Variants in RIPK2 observed in about 807,000 individuals in gnomAD.
The protein encoded by RIPK2 is receptor-interacting serine/threonine-protein kinase 2.
RIPK2 carries 38 observed loss-of-function variants against 60.9 expected under a neutral mutation model. The observed-to-expected ratio is 0.62, with a 90% confidence interval of 0.48 to 0.82. The LOEUF (loss-of-function observed/expected upper bound fraction) is 0.82, where lower values mean the gene tolerates loss of function less well. Among genes scored for constraint, RIPK2 ranks in the 40% least tolerant of loss-of-function variants. RIPK2 has a pLI of 0.00. For missense variants in RIPK2, 518 were observed against 647.0 expected (o/e 0.80, Z 2.16); for synonymous variants, 225 against 223.4 (o/e 1.01, Z -0.06).
At chr8:89,769,624 G>T (rs946422795) in intron 3 of RIPK2, 148 bp from the exon 4 acceptor site, 44 of 501,146 alleles carry the variant, frequency 8.8e-5, no homozygotes, top group African/African-American at 7.9e-4. Flanking sequence ...TTTGTAAGAA[G>T]TTGGGGGAAT....
chr8:89,778,980 TTTAA>T (rs1258397979), intron 6 of RIPK2, among the ~76,000 whole-genome samples: 18 of 152,206 alleles, frequency 1.2e-4, no homozygotes, highest in Non-Finnish European at 2.4e-4. Context: ...TTATTTTCCT[TTTAA>T]TTATATTTTA....
At chr8:89,774,277 T>TA (rs1809361639) in intron 6 of RIPK2, among the ~76,000 whole-genome samples, 1 of 152,156 alleles carries the variant, frequency 6.6e-6, no homozygotes, top group Non-Finnish European at 1.5e-5. Flanking sequence ...TACAAATAGC[T>TA]AAAAAGCACA....
At chr8:89,766,349 A>G (rs1809229289) in intron 3 of RIPK2, among the ~76,000 whole-genome samples, 1 of 151,874 alleles carries the variant, frequency 6.6e-6, no homozygotes, top group Non-Finnish European at 1.5e-5. Flanking sequence ...TAAATGCCCA[A>G]GAATGCAAAT....
intron 6 of RIPK2, among the ~76,000 whole-genome samples, chr8:89,779,310 G>GGTTTTTTTTTTTTTT (rs1586128992): frequency 1.3e-5 from 1 of 79,094 alleles, no homozygotes; most frequent in African/African-American, 5.8e-5. Flanking sequence ...CGGTTTTTGG[G>GGTTTTTTTTTTTTTT]TTTTTTTTTT....
At chr8:89,777,304 G>A (rs1417576179) in intron 6 of RIPK2, among the ~76,000 whole-genome samples, 1 of 152,156 alleles carries the variant, frequency 6.6e-6, no homozygotes, top group Non-Finnish European at 1.5e-5. Flanking sequence ...AATTTTCACA[G>A]AAAGAAGAAA....
intron 1 of RIPK2, chr8:89,759,252 C>T (rs1232093172): frequency 2.2e-6 from 1 of 455,052 alleles, no homozygotes; most frequent in South Asian, 1.5e-5. Flanking sequence ...ACATTACAAC[C>T]GCGTGCCATA....
In RIPK2 at chr8:89,765,436, T is replaced by G. The variant is rs1279788148; in HGVS notation, c.423T>G (p.Pro141=). Residue 141 remains proline (P), a synonymous_variant, in exon 3 of 11, where the codon CCT becomes CCG. Transcript: ENST00000220751. ...ATTACCTGCACAATATGACTCCTCC[T>G]TTACTTCATCATGACTTGAAGACTC... ...GVNYLHNMTP[P]LLHHDLKTQN... The G allele has an allele frequency of 6.2e-7, 1 of 1,600,198 alleles. No homozygotes were observed. Among genetic ancestry groups the G allele is most frequent in the Non-Finnish European group, 8.6e-7 (1 of 1,168,196 alleles).
chr8:89,762,351 A>G (rs1451939877), intron 1 of RIPK2, among the ~76,000 whole-genome samples: 2 of 152,162 alleles, frequency 1.3e-5, no homozygotes, highest in East Asian at 1.9e-4. Context: ...TTATGCAGCT[A>G]TTGAATCTAT....
At chr8:89,760,441 G>C (rs1178766150) in intron 1 of RIPK2, among the ~76,000 whole-genome samples, 1 of 152,128 alleles carries the variant, frequency 6.6e-6, no homozygotes, top group African/African-American at 2.4e-5. Context: ...GACTATGGAA[G>C]CTGTACTTTA....
intron 3 of RIPK2, among the ~76,000 whole-genome samples, chr8:89,769,042 A>C (rs1424511592): frequency 6.6e-6 from 1 of 151,822 alleles, no homozygotes; most frequent in East Asian, 1.9e-4. Context: ...TAAAGTAAAA[A>C]ATAAGGAAGC....
intron 8 of RIPK2, among the ~76,000 whole-genome samples, chr8:89,784,408 A>G (rs1031518054): frequency 1.3e-5 from 2 of 152,156 alleles, no homozygotes; most frequent in African/African-American, 2.4e-5. Context: ...ACAATAAATG[A>G]TATCCCAGGG....
At chr8:89,771,922 C>G (rs1319605203) in intron 5 of RIPK2, 132 bp downstream of exon 5, 3 of 707,462 alleles carry the variant, frequency 4.2e-6, no homozygotes, top group Non-Finnish European at 7.4e-6. Context: ...AACCATTTAT[C>G]AGTTGTGAAT....
intron 9 of RIPK2, 57 bp from the exon 10 acceptor site, chr8:89,789,264 G>C: frequency 6.8e-7 from 1 of 1,466,128 alleles, no homozygotes; most frequent in East Asian, 2.3e-5. Context: ...TGACATGTTA[G>C]CCAATAGGAA....
At chr8:89,770,068 C>A in intron 4 of RIPK2, 139 bp downstream of exon 4, 1 of 609,264 alleles carries the variant, frequency 1.6e-6, no homozygotes, top group Non-Finnish European at 2.6e-6. Flanking sequence ...TGAGGCCCCA[C>A]GGTGATTAAT....
At chr8:89,770,684 G>A (rs1319308131) in intron 4 of RIPK2, among the ~76,000 whole-genome samples, 1 of 151,238 alleles carries the variant, frequency 6.6e-6, no homozygotes, top group Non-Finnish European at 1.5e-5. Flanking sequence ...TAAATAATTT[G>A]TTAATGAATC....
chr8:89,774,769 C>G (rs1809370699), intron 6 of RIPK2, among the ~76,000 whole-genome samples: 1 of 152,020 alleles, frequency 6.6e-6, no homozygotes, highest in Admixed American at 6.6e-5. Flanking sequence ...ATATACATAG[C>G]AAAGAGAGGA....
At chr8:89,758,313 C>G (rs2130536038) in intron 1 of RIPK2, 80 bp downstream of exon 1, 3 of 1,413,772 alleles carry the variant, frequency 2.1e-6, no homozygotes, top group Non-Finnish European at 2.8e-6. Context: ...GGCTCTAGAG[C>G]CCAAATGGCA....
At chr8:89,779,320 T>TG (rs1200394332) in intron 6 of RIPK2, among the ~76,000 whole-genome samples, 1 of 130,032 alleles carries the variant, frequency 7.7e-6, no homozygotes, top group Non-Finnish European at 1.6e-5. Flanking sequence ...GTTTTTTTTT[T>TG]TTTTTTTTTT....
chr8:89,758,115 G>C lies in RIPK2; in HGVS notation c.55G>C (p.Ala19Pro). ...GCCCACCATTCCCTACCACAAACTC[G>C]CCGACCTGCGCTACCTGAGCCGCGG... ...ALPTIPYHKL[A>P]DLRYLSRGAS... The change falls in exon 1 of 11, where the codon GCC (alanine) becomes CCC (proline). Residue 19 changes from alanine to proline, a missense_variant. By Grantham distance (27) the Ala-to-Pro change is conservative. Coordinates refer to ENST00000220751, the MANE Select transcript of RIPK2 (RefSeq NM_003821.6). 6.2e-7 allele frequency: 1 copy of C among 1,605,682 alleles called. No homozygotes were observed. The highest frequency in any genetic ancestry group is 8.5e-7 in the Non-Finnish European group (1 of 1,176,584).
Sources: allele counts gnomAD v4.1 joint callset (sites outside exome capture counted in the v4.1 genomes callset), GRCh38; gene constraint gnomAD v4.1.1; transcripts MANE v1.5; gene names NCBI Gene and HGNC (gene_info 2026-07-23, HGNC 2026-07-21).